The following PTPRD variants were observed in gnomAD, a reference collection of about 807,000 sequenced individuals.
PTPRD encodes receptor-type tyrosine-protein phosphatase delta.
A neutral mutation model predicts 214.5 loss-of-function variants in PTPRD; 34 were observed. That is an observed-to-expected ratio of 0.16 (90% CI 0.12 to 0.21). The LOEUF (loss-of-function observed/expected upper bound fraction) is 0.21. PTPRD is among the 10% of genes least tolerant of loss of function. The probability of loss-of-function intolerance (pLI) is 1.00; values close to 1 mark genes in which losing one functional copy is unlikely to be tolerated. For missense variants in PTPRD, 2,545 were observed against 2,398.7 expected (o/e 1.06, Z -1.27); for synonymous variants, 1,128 against 845.7 (o/e 1.33, Z -5.79).
intron 4 of PTPRD, among the ~76,000 whole-genome samples, chr9:10,012,229 A>C (rs938863974): frequency 3.9e-5 from 6 of 151,956 alleles, no homozygotes; most frequent in African/African-American, 1.4e-4. Flanking sequence ...TAAAGGGATA[A>C]TCATCTATAT....
At chr9:8,331,533 GAAGAAACACCACCACT>G in intron 44 of PTPRD, 33 bp downstream of exon 44, 4 of 1,489,298 alleles carry the variant, frequency 2.7e-6, no homozygotes, top group Non-Finnish European at 3.6e-6. Context: ...TACAGACAAT[GAAGAAACACCACCACT>G]TATCACTGCT....
chr9:9,951,390 CATCTAGCCT>C (rs2093439710), intron 4 of PTPRD, among the ~76,000 whole-genome samples: 1 of 152,118 alleles, frequency 6.6e-6, no homozygotes, highest in South Asian at 2.1e-4. Flanking sequence ...CTGTAAACAC[CATCTAGCCT>C]TAATATATTT....
intron 11 of PTPRD, among the ~76,000 whole-genome samples, chr9:8,791,790 G>A (rs903924974): frequency 2.0e-5 from 3 of 151,940 alleles, no homozygotes; most frequent in Non-Finnish European, 4.4e-5. Flanking sequence ...TTTAATGGAC[G>A]GATACTAGAC....
intron 2 of PTPRD, among the ~76,000 whole-genome samples, chr9:10,384,792 A>G (rs1156525234): frequency 6.6e-6 from 1 of 151,346 alleles, no homozygotes; most frequent in East Asian, 1.9e-4. Context: ...CTCCTTCTCC[A>G]TCTTAAAGAG....
At position 9,657,755 on chromosome 9, in the gene PTPRD, G is replaced by C. The variant is rs540745602; in HGVS notation, c.-287+76778C>G. Among the ~76,000 whole-genome samples, 9 of 152,268 alleles carry C rather than the reference G, an allele frequency of 5.9e-5. No homozygotes were observed. The East Asian group carries it at 1.4e-3, about 23-fold the overall frequency. On this transcript the variant is annotated intron_variant, in intron 7 of 45. Transcript: ENST00000381196. ...GCATTCTTTGACATAGGACCCACAA[G>C]GCTTGCCACATGGGGGCAAACCAAT... is the stretch of plus-strand genomic sequence containing the variant.
At chr9:9,523,841 A>G (rs2154257862) in intron 8 of PTPRD, among the ~76,000 whole-genome samples, 1 of 152,256 alleles carries the variant, frequency 6.6e-6, no homozygotes. Flanking sequence ...AATTGGCATT[A>G]GCTACTTTTG....
intron 7 of PTPRD, among the ~76,000 whole-genome samples, chr9:9,613,403 G>A (rs1221480609): frequency 1.3e-5 from 2 of 151,816 alleles, no homozygotes; most frequent in Admixed American, 6.6e-5. Context: ...TTGCCTTCAC[G>A]ATCATTGTCC....
At chr9:9,829,358 T>A (rs1344797705) in intron 5 of PTPRD, among the ~76,000 whole-genome samples, 2 of 151,876 alleles carry the variant, frequency 1.3e-5, no homozygotes, top group African/African-American at 4.8e-5. Flanking sequence ...CAAGTCCATA[T>A]TTATTCATGG....
intron 6 of PTPRD, among the ~76,000 whole-genome samples, chr9:9,734,799 G>A (rs1371404880): frequency 6.6e-6 from 1 of 151,954 alleles, no homozygotes; most frequent in Non-Finnish European, 1.5e-5. Flanking sequence ...AAATGTTCTA[G>A]CTCTAGAAAA....
At chr9:9,292,939 T>C (rs1270082862) in intron 9 of PTPRD, among the ~76,000 whole-genome samples, 4 of 151,488 alleles carry the variant, frequency 2.6e-5, no homozygotes, top group Non-Finnish European at 5.9e-5. Flanking sequence ...TCCTATACTA[T>C]CAACATGATT....
chr9:8,493,506 T>A (rs1378253291), intron 26 of PTPRD, among the ~76,000 whole-genome samples: 1 of 152,220 alleles, frequency 6.6e-6, no homozygotes, highest in Non-Finnish European at 1.5e-5. Context: ...GTCTGTTTTA[T>A]CACTATAGAC....
At chr9:8,934,464 AAT>A (rs375805962) in intron 11 of PTPRD, among the ~76,000 whole-genome samples, 683 of 10,468 alleles carry the variant, frequency 0.065, 33 homozygotes, top group Middle Eastern at 0.3. Context: ...TATATATATA[AAT>A]ATATATATAT....
At chr9:10,503,203 A>AAAC (rs932728860) in intron 2 of PTPRD, among the ~76,000 whole-genome samples, 2 of 133,914 alleles carry the variant, frequency 1.5e-5, no homozygotes, top group African/African-American at 6.5e-5. Context: ...CAAAAAAAAA[A>AAAC]AAAACAAAAA....
chr9:8,717,256 G>C (rs185446099), intron 12 of PTPRD, among the ~76,000 whole-genome samples: 2 of 152,268 alleles, frequency 1.3e-5, no homozygotes, highest in East Asian at 1.9e-4. Flanking sequence ...GGTGTGTTGG[G>C]GGGAGAAGCA....
At chr9:9,066,633 C>T (rs2099734894) in intron 10 of PTPRD, among the ~76,000 whole-genome samples, 1 of 151,820 alleles carries the variant, frequency 6.6e-6, no homozygotes, top group Admixed American at 6.6e-5. Context: ...TTGAGTGGAC[C>T]CTAAATGTGA....
rs137919928 is a variant in PTPRD, at chr9:9,341,386, G to A, written c.-203+56063C>T. Among the ~76,000 whole-genome samples, 426 of 152,174 alleles carry A rather than the reference G, an allele frequency of 2.8e-3. 7 individuals are homozygous for A. Among genetic ancestry groups the A allele is most frequent in the Admixed American group, 0.022 (339 of 15,256 alleles). ...CCAACGTGAACTCATTATCCCCCCA[G>A]GGCGCAGGTGTCTGTTAGTACCCCA... On this transcript the variant is annotated intron_variant, in intron 9 of 45. Transcript: ENST00000381196.
At chr9:9,408,296 C>G (rs1383741098) in intron 8 of PTPRD, among the ~76,000 whole-genome samples, 8 of 151,684 alleles carry the variant, frequency 5.3e-5, no homozygotes, top group African/African-American at 1.9e-4. Context: ...CTCAACTGAA[C>G]CAGAGAAATC....
intron 8 of PTPRD, among the ~76,000 whole-genome samples, chr9:9,412,624 A>G (rs909542799): frequency 6.6e-6 from 1 of 151,698 alleles, no homozygotes; most frequent in African/African-American, 2.4e-5. Context: ...CACTCCACCA[A>G]CTCCAACTTT....
At chr9:8,671,091 T>C (rs996371871) in intron 12 of PTPRD, among the ~76,000 whole-genome samples, 2 of 152,188 alleles carry the variant, frequency 1.3e-5, no homozygotes, top group Admixed American at 6.6e-5. Context: ...TACAGTGTGC[T>C]TGGAGAGTAT....
Sources: allele counts gnomAD v4.1 joint callset (sites outside exome capture counted in the v4.1 genomes callset), GRCh38; gene constraint gnomAD v4.1.1; transcripts MANE v1.5; gene names NCBI Gene and HGNC (gene_info 2026-07-23, HGNC 2026-07-21).